PRKCB: variants seen among roughly 807,000 people sequenced by gnomAD.
The protein encoded by PRKCB is protein kinase C beta type.
PRKCB carries 13 observed loss-of-function variants against 81.5 expected under a neutral mutation model. The ratio of observed to expected loss-of-function variants is 0.16; its 90% CI spans 0.10 to 0.25. PRKCB has a LOEUF of 0.25. Ranked by LOEUF, PRKCB falls within the 10% of genes least tolerant of loss-of-function variation. The pLI is 1.00. For missense variants in PRKCB, 509 were observed against 875.7 expected (o/e 0.58, Z 5.29); for synonymous variants, 335 against 321.4 (o/e 1.04, Z -0.45).
intron 12 of PRKCB, among the ~76,000 whole-genome samples, chr16:24,180,348 CTTCT>C (rs751577643): frequency 6.6e-6 from 1 of 152,146 alleles, no homozygotes; most frequent in African/African-American, 2.4e-5. Flanking sequence ...TTTCAATCAG[CTTCT>C]TTTTTTCTTT....
chr16:23,904,312 A>G (rs1000542818), intron 2 of PRKCB, among the ~76,000 whole-genome samples: 1 of 152,186 alleles, frequency 6.6e-6, no homozygotes, highest in Non-Finnish European at 1.5e-5. Context: ...GAGGGGTGAT[A>G]ATAGCATCTA....
At chr16:24,105,553 C>A (rs1966565013) in intron 7 of PRKCB, among the ~76,000 whole-genome samples, 1 of 152,110 alleles carries the variant, frequency 6.6e-6, no homozygotes, top group African/African-American at 2.4e-5. Flanking sequence ...CCCTAACAGG[C>A]CCCGGTGTGT....
intron 2 of PRKCB, among the ~76,000 whole-genome samples, chr16:23,894,507 T>G (rs1418442422): frequency 6.6e-6 from 1 of 152,148 alleles, no homozygotes. Context: ...TTGGTTTAAT[T>G]TCCCCCCAGA....
intron 3 of PRKCB, among the ~76,000 whole-genome samples, chr16:23,995,637 C>T (rs1964946164): frequency 1.3e-5 from 2 of 152,138 alleles, no homozygotes; most frequent in African/African-American, 4.8e-5. Context: ...ATAAAGTGGG[C>T]ATGCACAGCA....
At chr16:24,047,488 G>A (rs904818832) in intron 5 of PRKCB, among the ~76,000 whole-genome samples, 7 of 151,488 alleles carry the variant, frequency 4.6e-5, no homozygotes, top group Non-Finnish European at 1.0e-4. Flanking sequence ...CTATGATCTC[G>A]CTACTGCACT....
chr16:23,855,296 G>A (rs1962545956), intron 2 of PRKCB, among the ~76,000 whole-genome samples: 1 of 152,124 alleles, frequency 6.6e-6, no homozygotes, highest in African/African-American at 2.4e-5. Context: ...TCAGGCCTCA[G>A]TTCCTCCCCA....
intron 12 of PRKCB, among the ~76,000 whole-genome samples, chr16:24,177,034 C>G (rs192201106): frequency 6.6e-6 from 1 of 152,282 alleles, no homozygotes; most frequent in Admixed American, 6.5e-5. Flanking sequence ...AACTTGGGTG[C>G]TGACATTAGG....
intron 2 of PRKCB, among the ~76,000 whole-genome samples, chr16:23,909,328 G>T (rs765273203): frequency 6.6e-6 from 1 of 152,114 alleles, no homozygotes; most frequent in African/African-American, 2.4e-5. Flanking sequence ...CTTAAGTGAC[G>T]GAAATGTATT....
rs1567311221 is a variant in PRKCB at position 23,911,825 on chromosome 16, C to CTTT, written c.205+74419_205+74420insTTT. On this transcript the variant is annotated intron_variant, in intron 2 of 16. Coordinates refer to ENST00000643927, the MANE Select transcript of PRKCB (RefSeq NM_002738.7). ...CTTGTCCTGGGATATGCGCGACCCA[C>CTTT]ATTTTTTTTTTTTTTTTTTTTTTTT... Among the ~76,000 whole-genome samples, 13 of 126,372 alleles carry CTTT rather than the reference C, an allele frequency of 1.0e-4. 3 individuals are homozygous for CTTT. The allele number at this position is 126,372 out of a possible 152,430, so 82.9% of individuals were successfully genotyped here.
chr16:24,030,791 G>A (rs1435767711), intron 3 of PRKCB, among the ~76,000 whole-genome samples: 1 of 151,904 alleles, frequency 6.6e-6, no homozygotes, highest in African/African-American at 2.4e-5. Flanking sequence ...CCAGCTACTC[G>A]GGAGGCTGAG....
At chr16:23,897,535 A>G (rs959849240) in intron 2 of PRKCB, among the ~76,000 whole-genome samples, 1 of 152,198 alleles carries the variant, frequency 6.6e-6, no homozygotes, top group Non-Finnish European at 1.5e-5. Context: ...AACCAAAGGC[A>G]GCTGTCACCT....
At chr16:24,084,142 G>A (rs1369839999) in intron 5 of PRKCB, among the ~76,000 whole-genome samples, 1 of 152,058 alleles carries the variant, frequency 6.6e-6, no homozygotes, top group Non-Finnish European at 1.5e-5. Context: ...AGGGGAAAGG[G>A]ACAAATAAAT....
At chr16:24,065,347 A>T (rs1347185729) in intron 5 of PRKCB, among the ~76,000 whole-genome samples, 2 of 151,706 alleles carry the variant, frequency 1.3e-5, no homozygotes, top group African/African-American at 2.4e-5. Context: ...CTTTCTATTA[A>T]CTAATTAGTC....
chr16:23,844,800 C>T (rs777048822), intron 2 of PRKCB, among the ~76,000 whole-genome samples: 1 of 150,682 alleles, frequency 6.6e-6, no homozygotes, highest in African/African-American at 2.4e-5. Context: ...AGCCACCGCG[C>T]CCAGTCTCTT....
intron 5 of PRKCB, among the ~76,000 whole-genome samples, chr16:24,040,998 G>C (rs1407648203): frequency 6.6e-6 from 1 of 152,044 alleles, no homozygotes; most frequent in Non-Finnish European, 1.5e-5. Flanking sequence ...CCAGATCAGA[G>C]TTGTAAAATG....
chr16:23,852,746 A>G (rs1202785064), intron 2 of PRKCB, among the ~76,000 whole-genome samples: 4 of 152,192 alleles, frequency 2.6e-5, no homozygotes, highest in African/African-American at 9.7e-5. Context: ...TATCAACCGT[A>G]TCCTTCAGGA....
intron 16 of PRKCB, among the ~76,000 whole-genome samples, chr16:24,192,301 T>G (rs1470063691): frequency 1.3e-5 from 2 of 152,230 alleles, no homozygotes; most frequent in African/African-American, 4.8e-5. Context: ...GTTAGCTGTG[T>G]CATACATTAA....
chr16:24,122,863 C>T (rs568484063), intron 8 of PRKCB, among the ~76,000 whole-genome samples: 2 of 152,266 alleles, frequency 1.3e-5, no homozygotes, highest in Admixed American at 6.5e-5. Flanking sequence ...CAGTTTTTGC[C>T]TCATTCCAAA....
chr16:23,999,768 CAG>C (rs1567339545), intron 3 of PRKCB, among the ~76,000 whole-genome samples: 1 of 152,198 alleles, frequency 6.6e-6, no homozygotes, highest in Non-Finnish European at 1.5e-5. Context: ...GAACAAGAAA[CAG>C]AGGAGTTGTC....
Sources: gnomAD v4.1 joint callset for allele counts (sites outside exome capture counted in the v4.1 genomes callset) on GRCh38, gnomAD v4.1.1 for gene constraint, MANE v1.5 for transcripts, NCBI Gene and HGNC (gene_info 2026-07-23, HGNC 2026-07-21) for gene names.